The following AKAP19 variants were observed in gnomAD, a reference collection of about 807,000 sequenced individuals.
AKAP19 encodes the protein A-kinase anchoring protein 19.
the AKAP19 span, chr2:189,923,340 C>A: frequency 6.2e-7 from 1 of 1,611,188 alleles, no homozygotes; most frequent in Non-Finnish European, 8.5e-7. Context: ...AACACAATGG[C>A]CAGCAACGTT....
the AKAP19 span, among the ~76,000 whole-genome samples, chr2:190,023,812 T>C: frequency 6.7e-6 from 1 of 148,746 alleles, no homozygotes; most frequent in Non-Finnish European, 1.5e-5. Context: ...TATATATATA[T>C]ATATATACAT....
At chr2:190,167,102 T>C in the AKAP19 span, among the ~76,000 whole-genome samples, 1 of 152,172 alleles carries the variant, frequency 6.6e-6, no homozygotes, top group Non-Finnish European at 1.5e-5. Context: ...GATAAAGACA[T>C]ACCCAAGACA....
the AKAP19 span, among the ~76,000 whole-genome samples, chr2:190,085,406 A>C: frequency 6.6e-6 from 1 of 152,212 alleles, no homozygotes; most frequent in South Asian, 2.1e-4. Context: ...TTCTGTGAGA[A>C]ATACGAGATC....
At chr2:189,891,682 A>G in the AKAP19 span, among the ~76,000 whole-genome samples, 66 of 150,148 alleles carry the variant, frequency 4.4e-4, no homozygotes, top group African/African-American at 1.6e-3. Flanking sequence ...CATTATTTCA[A>G]CCTTGGTGAA....
At chr2:190,083,993 T>G in the AKAP19 span, among the ~76,000 whole-genome samples, 1 of 152,154 alleles carries the variant, frequency 6.6e-6, no homozygotes, top group African/African-American at 2.4e-5. Flanking sequence ...ATACCAGAGC[T>G]TCTGAACCTT....
At chr2:189,947,590 C>T in the AKAP19 span, among the ~76,000 whole-genome samples, 3 of 151,866 alleles carry the variant, frequency 2.0e-5, no homozygotes, top group South Asian at 2.1e-4. Flanking sequence ...TAAATTTCCT[C>T]GGCAATTAAA....
the AKAP19 span, among the ~76,000 whole-genome samples, chr2:190,117,181 G>A: frequency 6.6e-6 from 1 of 152,172 alleles, no homozygotes; most frequent in Non-Finnish European, 1.5e-5. Flanking sequence ...AGGTGGCAAG[G>A]TGTGGTGGAG....
At chr2:189,941,863 C>T in the AKAP19 span, among the ~76,000 whole-genome samples, 1 of 152,112 alleles carries the variant, frequency 6.6e-6, no homozygotes, top group African/African-American at 2.4e-5. Context: ...AATTAAAAGT[C>T]ATAGTGTCTA....
the AKAP19 span, among the ~76,000 whole-genome samples, chr2:190,043,286 T>A: frequency 6.6e-6 from 1 of 152,234 alleles, no homozygotes. Flanking sequence ...CTGAAATATG[T>A]TTTCCAAGTT....
At chr2:190,162,840 G>T in the AKAP19 span, among the ~76,000 whole-genome samples, 1 of 151,430 alleles carries the variant, frequency 6.6e-6, no homozygotes, top group Non-Finnish European at 1.5e-5. Flanking sequence ...TTTCTTGCCT[G>T]GAAAAAAAAT....
At chr2:189,886,415 G>C in the AKAP19 span, among the ~76,000 whole-genome samples, 4,944 of 152,214 alleles carry the variant, frequency 0.032, 265 homozygotes, top group African/African-American at 0.11. Context: ...GAATGATTTA[G>C]TCCCATTTAT....
chr2:190,149,497 T>A, the AKAP19 span, among the ~76,000 whole-genome samples: 2 of 152,200 alleles, frequency 1.3e-5, no homozygotes, highest in East Asian at 3.8e-4. Flanking sequence ...CTTTGCTGTA[T>A]CCCAAGGTTT....
At chr2:189,945,257 T>C in the AKAP19 span, among the ~76,000 whole-genome samples, 1 of 152,076 alleles carries the variant, frequency 6.6e-6, no homozygotes, top group Non-Finnish European at 1.5e-5. Context: ...CAGAAATAAA[T>C]GTAACTGAGA....
At chr2:190,060,512 A>AT in the AKAP19 span, 5 of 1,316,636 alleles carry the variant, frequency 3.8e-6, no homozygotes, top group African/African-American at 4.5e-5. Flanking sequence ...ATAGTTGAGC[A>AT]TTTTTTTAAA....
chr2:189,912,561 A>G, the AKAP19 span, among the ~76,000 whole-genome samples: 1 of 152,118 alleles, frequency 6.6e-6, no homozygotes, highest in Non-Finnish European at 1.5e-5. Flanking sequence ...AATAACAACA[A>G]AAAGATAGTT....
At chr2:190,045,243 G>A in the AKAP19 span, among the ~76,000 whole-genome samples, 1 of 152,250 alleles carries the variant, frequency 6.6e-6, no homozygotes, top group African/African-American at 2.4e-5. Flanking sequence ...CCACATTTTG[G>A]TGGAGCAGCT....
the AKAP19 span, among the ~76,000 whole-genome samples, chr2:189,956,163 A>ATTTTCTTTC: frequency 2.1e-5 from 1 of 48,732 alleles, no homozygotes; most frequent in African/African-American, 9.0e-5. Flanking sequence ...TTACTAGTAT[A>ATTTTCTTTC]TTTTCTTTTT....
chr2:190,077,887 C>T, the AKAP19 span, among the ~76,000 whole-genome samples: 173 of 152,196 alleles, frequency 1.1e-3, no homozygotes, highest in Middle Eastern at 3.4e-3. Context: ...AATGCGTGAC[C>T]TTTCTAGGGT....
chr2:190,099,682 C>A, the AKAP19 span, among the ~76,000 whole-genome samples: 1 of 152,196 alleles, frequency 6.6e-6, no homozygotes, highest in Non-Finnish European at 1.5e-5. Flanking sequence ...AAACCACAGT[C>A]ATTGTGAAGC....
Sources: gnomAD v4.1 joint callset for allele counts (sites outside exome capture counted in the v4.1 genomes callset) on GRCh38, gnomAD v4.1.1 for gene constraint, MANE v1.5 for transcripts, NCBI Gene and HGNC (gene_info 2026-07-23, HGNC 2026-07-21) for gene names.